The following ALK variants were observed in gnomAD, a reference collection of about 807,000 sequenced individuals.
ALK encodes ALK tyrosine kinase receptor.
In ALK, 74 loss-of-function variants were observed where a neutral mutation model predicts 163.1. That is an observed-to-expected ratio of 0.45 (90% confidence interval 0.38 to 0.55). The LOEUF (loss-of-function observed/expected upper bound fraction) is 0.55. ALK is among the 20% of genes least tolerant of loss of function. ALK has a pLI of 0.00. For missense variants in ALK, 2,063 were observed against 2,105.3 expected (o/e 0.98, Z 0.39); for synonymous variants, 960 against 843.2 (o/e 1.14, Z -2.40).
intron 6 of ALK, 98 bp downstream of exon 6, chr2:29,328,252 G>A (rs1667333078): frequency 6.4e-7 from 1 of 1,568,938 alleles, no homozygotes; most frequent in Non-Finnish European, 8.8e-7. Flanking sequence ...GTGGATATCA[G>A]GAAGGCTGTC....
At chr2:29,322,089 C>A (rs2148252290) in intron 6 of ALK, among the ~76,000 whole-genome samples, 1 of 152,360 alleles carries the variant, frequency 6.6e-6, no homozygotes, top group East Asian at 1.9e-4. Context: ...CAACACCTCC[C>A]AGCCTAGCTG....
At position 29,214,036 on chromosome 2, in the gene ALK, G is replaced by A. The variant is rs771475772; in HGVS notation, c.3691C>T (p.Arg1231Trp). Residue 1231 changes from arginine (R) to tryptophan (W), a missense_variant, in exon 24 of 29, where the codon CGG (arginine) becomes TGG (tryptophan). By Grantham distance (101) the Arg-to-Trp change is moderately radical. This residue lies in a region of ALK where 83 missense variants were observed against 139.7 expected (regional missense o/e 0.59). Transcript: ENST00000389048. ...TACTGACAGCCACAGGCAATGTCCC[G>A]AGCCACGTGCAGAAGGTCCAGCATG... ...LAMLDLLHVA[R>W]DIACGCQYLE... The A allele has an allele frequency of 8.5e-5, 137 of 1,613,936 alleles. 1 individual carries two copies. The highest frequency in any genetic ancestry group is 5.7e-4 in the Admixed American group (34 of 60,012).
intron 1 of ALK, among the ~76,000 whole-genome samples, chr2:29,728,236 G>T (rs1573588359): frequency 1.3e-5 from 2 of 152,242 alleles, no homozygotes; most frequent in African/African-American, 4.8e-5. Context: ...ACAATTTTCT[G>T]AGTGGGGATT....
chr2:29,773,874 C>T (rs191965688), intron 1 of ALK, among the ~76,000 whole-genome samples: 49 of 152,248 alleles, frequency 3.2e-4, no homozygotes, highest in Admixed American at 7.8e-4. Context: ...AATGTGAAGG[C>T]TTCTTTCAAG....
chr2:29,230,132 T>C (rs1002281035), intron 15 of ALK, among the ~76,000 whole-genome samples: 2 of 152,164 alleles, frequency 1.3e-5, no homozygotes, highest in African/African-American at 4.8e-5. Flanking sequence ...CCAAAATAAA[T>C]GTCCCTTTAT....
At chr2:29,243,928 T>C (rs2148191466) in intron 12 of ALK, among the ~76,000 whole-genome samples, 1 of 152,250 alleles carries the variant, frequency 6.6e-6, no homozygotes, top group East Asian at 1.9e-4. Context: ...TCTAAATCCA[T>C]GTCCCCTGGT....
At chr2:29,581,281 G>A (rs991475359) in intron 3 of ALK, among the ~76,000 whole-genome samples, 3 of 152,146 alleles carry the variant, frequency 2.0e-5, no homozygotes, top group Non-Finnish European at 2.9e-5. Flanking sequence ...CCAGCTGCTC[G>A]GGAGGCTGAG....
intron 9 of ALK, among the ~76,000 whole-genome samples, chr2:29,284,054 G>C (rs1665784786): frequency 6.6e-6 from 1 of 152,210 alleles, no homozygotes; most frequent in South Asian, 2.1e-4. Context: ...AGCTACTCAA[G>C]CTGGAAAAAC....
At chr2:29,846,724 C>T (rs1303367402) in intron 1 of ALK, among the ~76,000 whole-genome samples, 1 of 152,232 alleles carries the variant, frequency 6.6e-6, no homozygotes, top group Non-Finnish European at 1.5e-5. Flanking sequence ...TACTGGATAA[C>T]TGCTAAGTAG....
chr2:29,850,407 C>A (rs1665959233), intron 1 of ALK, among the ~76,000 whole-genome samples: 1 of 152,082 alleles, frequency 6.6e-6, no homozygotes, highest in African/African-American at 2.4e-5. Context: ...GAAAAAAATT[C>A]TTTGTGCTAT....
chr2:29,907,992 G>A (rs1287198600), intron 1 of ALK, among the ~76,000 whole-genome samples: 1 of 151,908 alleles, frequency 6.6e-6, no homozygotes, highest in Non-Finnish European at 1.5e-5. Flanking sequence ...GCATCTATTG[G>A]CCCAGCTCTG....
At chr2:29,232,226 T>G in intron 15 of ALK, 78 bp downstream of exon 15, 1 of 1,588,358 alleles carries the variant, frequency 6.3e-7, no homozygotes, top group Non-Finnish European at 8.6e-7. Flanking sequence ...TAAGATGCCC[T>G]CAGGCATGCG....
chr2:29,541,975 G>C lies in ALK; in HGVS notation c.953-9859C>G, dbSNP rs373108659. Among the ~76,000 whole-genome samples the C allele has an allele frequency of 1.8e-4, 28 of 152,122 alleles. No homozygotes were observed. The East Asian group carries it at 4.4e-3, about 24-fold the overall frequency. On this transcript the variant is annotated intron_variant, in intron 3 of 28. Coordinates refer to ENST00000389048, the MANE Select transcript of ALK (RefSeq NM_004304.5). ...TGTCTTGCAACTATAACCTGTTTTG[G>C]CCATACTCCAAGTCCCCATTCTTTT...
At chr2:29,343,843 A>C (rs1007564420) in intron 5 of ALK, among the ~76,000 whole-genome samples, 22 of 152,192 alleles carry the variant, frequency 1.4e-4, no homozygotes, top group African/African-American at 5.3e-4. Flanking sequence ...GCAGGTCCCC[A>C]GGTACACAGG....
At chr2:29,354,926 C>G (rs771847084) in intron 5 of ALK, among the ~76,000 whole-genome samples, 2 of 152,134 alleles carry the variant, frequency 1.3e-5, no homozygotes, top group African/African-American at 2.4e-5. Flanking sequence ...GCCACCGCGC[C>G]TGGCTAATTT....
chr2:29,880,379 G>A (rs926962288), intron 1 of ALK, among the ~76,000 whole-genome samples: 3 of 152,184 alleles, frequency 2.0e-5, no homozygotes, highest in Non-Finnish European at 2.9e-5. Flanking sequence ...GGAAGTCGGG[G>A]TGTATCAGAG....
rs1444035306 is a variant in ALK, at chr2:29,207,046, G to A, written c.3938+125C>T. 2.4e-5 allele frequency: 18 copies of A among 758,238 alleles called. No individual in the cohort carries two copies. The East Asian group carries it at 4.6e-4, about 19-fold the overall frequency. 47.0% of individuals were successfully genotyped at this position (758,238 alleles called of 1,614,324 possible). A position where few individuals can be genotyped will look rare whatever the true frequency, so the allele number is the denominator to read the frequency against. Reference sequence around the variant, plus strand: ...CGTTTGAGAACCACTGTTGTCGGGTGTATTGATTCTTCTCTTTTCCCTCCC... The same window carrying A: ...CGTTTGAGAACCACTGTTGTCGGGTATATTGATTCTTCTCTTTTCCCTCCC... On this transcript the variant is annotated intron_variant, in intron 26 of 28. Coordinates refer to ENST00000389048, the MANE Select transcript of ALK (RefSeq NM_004304.5).
At chr2:29,571,119 C>G (rs763501060) in intron 3 of ALK, among the ~76,000 whole-genome samples, 2 of 152,044 alleles carry the variant, frequency 1.3e-5, no homozygotes, top group Non-Finnish European at 2.9e-5. Flanking sequence ...TGTTCTCTCT[C>G]CCTGTTTGTG....
intron 1 of ALK, among the ~76,000 whole-genome samples, chr2:29,841,653 G>C (rs1179411749): frequency 6.6e-6 from 1 of 152,166 alleles, no homozygotes. Flanking sequence ...GAGTTACAAT[G>C]AACAAGAGCC....
Sources: allele counts gnomAD v4.1 joint callset (sites outside exome capture counted in the v4.1 genomes callset), GRCh38; gene constraint gnomAD v4.1.1; regional missense constraint gnomAD v4.1.1; transcripts MANE v1.5; gene names NCBI Gene and HGNC (gene_info 2026-07-23, HGNC 2026-07-21).